Variants in NCKAP5 observed in about 807,000 individuals in gnomAD.
NCKAP5 encodes nck-associated protein 5.
Under a neutral mutation model 167.0 loss-of-function variants are expected in NCKAP5, and 92 were observed. That is an observed-to-expected ratio of 0.55 (90% CI 0.47 to 0.66). The LOEUF is 0.66. NCKAP5 is among the 30% of genes least tolerant of loss of function. NCKAP5 has a pLI of 0.00. For missense variants in NCKAP5, 2,378 were observed against 2,315.0 expected (o/e 1.03, Z -0.56); for synonymous variants, 891 against 877.4 (o/e 1.02, Z -0.27).
chr2:133,435,556 G>A (rs908204040), intron 3 of NCKAP5, among the ~76,000 whole-genome samples: 21 of 152,238 alleles, frequency 1.4e-4, no homozygotes, highest in African/African-American at 3.6e-4. Flanking sequence ...CTCCCCTACC[G>A]GACAGTGATG....
intron 3 of NCKAP5, among the ~76,000 whole-genome samples, chr2:133,328,342 G>A (rs1682598198): frequency 6.6e-6 from 1 of 152,234 alleles, no homozygotes; most frequent in Admixed American, 6.5e-5. Flanking sequence ...AGAATATAGA[G>A]AGAGTTGACA....
intron 11 of NCKAP5, among the ~76,000 whole-genome samples, chr2:132,797,742 G>C (rs1684718725): frequency 6.6e-6 from 1 of 152,154 alleles, no homozygotes; most frequent in South Asian, 2.1e-4. Context: ...ATCTTAGAGG[G>C]CAGGGCTATC....
intron 16 of NCKAP5, among the ~76,000 whole-genome samples, chr2:132,750,414 T>C (rs888541597): frequency 6.6e-6 from 1 of 152,214 alleles, no homozygotes; most frequent in African/African-American, 2.4e-5. Flanking sequence ...TCAAATAATA[T>C]TGAATGTGCT....
intron 6 of NCKAP5, among the ~76,000 whole-genome samples, chr2:133,029,638 A>G (rs1210973457): frequency 6.6e-6 from 1 of 152,210 alleles, no homozygotes; most frequent in African/African-American, 2.4e-5. Flanking sequence ...AATCTATTAC[A>G]TGGATTTTTA....
intron 8 of NCKAP5, among the ~76,000 whole-genome samples, chr2:132,956,031 T>C (rs1307197766): frequency 5.9e-5 from 9 of 152,060 alleles, no homozygotes; most frequent in South Asian, 2.1e-4. Context: ...GGTCAAAGGG[T>C]ACAAAATCTG....
intron 6 of NCKAP5, among the ~76,000 whole-genome samples, chr2:133,083,678 T>A (rs1256964759): frequency 6.6e-5 from 10 of 152,180 alleles, no homozygotes; most frequent in Non-Finnish European, 1.5e-4. Context: ...GAGTACAATA[T>A]ACAAACAGTG....
intron 3 of NCKAP5, among the ~76,000 whole-genome samples, chr2:133,451,750 G>T (rs1303816960): frequency 2.6e-5 from 4 of 152,152 alleles, no homozygotes; most frequent in African/African-American, 9.7e-5. Flanking sequence ...AGAAAGCCTG[G>T]CATGAAAGTG....
chr2:133,209,452 A>C (rs752893709), intron 5 of NCKAP5, among the ~76,000 whole-genome samples: 3 of 148,826 alleles, frequency 2.0e-5, no homozygotes, highest in Admixed American at 1.3e-4. Context: ...AAATTGACTA[A>C]ACAAACAAAC....
At chr2:133,081,224 C>A (rs2080795115) in intron 6 of NCKAP5, among the ~76,000 whole-genome samples, 2 of 152,266 alleles carry the variant, frequency 1.3e-5, no homozygotes, top group Middle Eastern at 3.4e-3. Context: ...TTTACGCTCT[C>A]TTCCTACAGT....
At chr2:133,050,279 A>G (rs571923066) in intron 6 of NCKAP5, among the ~76,000 whole-genome samples, 2 of 152,228 alleles carry the variant, frequency 1.3e-5, no homozygotes, top group East Asian at 3.9e-4. Flanking sequence ...GACTGTGTAT[A>G]GAAGATTCAG....
At chr2:133,449,388 ATAG>A (rs200868330) in intron 3 of NCKAP5, among the ~76,000 whole-genome samples, 2,062 of 152,354 alleles carry the variant, frequency 0.014, 41 homozygotes, top group African/African-American at 0.046. Flanking sequence ...AATATATTTT[ATAG>A]TCAGAATATT....
chr2:133,090,403 G>A (rs1020050459), intron 6 of NCKAP5, among the ~76,000 whole-genome samples: 2 of 151,852 alleles, frequency 1.3e-5, no homozygotes, highest in Non-Finnish European at 2.9e-5. Context: ...TTCTGCCTCC[G>A]TGGTCACACT....
chr2:133,450,448 C>T (rs181430706), intron 3 of NCKAP5, among the ~76,000 whole-genome samples: 7 of 152,226 alleles, frequency 4.6e-5, no homozygotes, highest in Admixed American at 1.3e-4. Context: ...GGTAACATTA[C>T]GTTTTTAAAA....
intron 3 of NCKAP5, among the ~76,000 whole-genome samples, chr2:133,501,708 T>C (rs1345504314): frequency 6.6e-6 from 1 of 152,250 alleles, no homozygotes; most frequent in Non-Finnish European, 1.5e-5. Flanking sequence ...TGATTCGTTC[T>C]TCTGTTCGGA....
chr2:133,641,985 A>C, the NCKAP5 span, among the ~76,000 whole-genome samples: 1 of 152,162 alleles, frequency 6.6e-6, no homozygotes, highest in East Asian at 1.9e-4. Context: ...AAAGAGGTTT[A>C]TTTGGCTCAT....
intron 6 of NCKAP5, among the ~76,000 whole-genome samples, chr2:133,106,770 A>G (rs1559144643): frequency 6.6e-6 from 1 of 152,202 alleles, no homozygotes; most frequent in Non-Finnish European, 1.5e-5. Flanking sequence ...GAAGTTTGAA[A>G]AATTTTATTG....
At chr2:132,793,906 T>C (rs1013079627) in intron 12 of NCKAP5, among the ~76,000 whole-genome samples, 1 of 152,024 alleles carries the variant, frequency 6.6e-6, no homozygotes, top group East Asian at 1.9e-4. Flanking sequence ...CAAAGTGAGC[T>C]TTTTTTCCCC....
At chr2:133,136,976 C>T (rs2082809655) in intron 5 of NCKAP5, among the ~76,000 whole-genome samples, 1 of 152,168 alleles carries the variant, frequency 6.6e-6, no homozygotes, top group Admixed American at 6.5e-5. Flanking sequence ...CTTCAGAAGT[C>T]CATAAGCCAA....
intron 13 of NCKAP5, among the ~76,000 whole-genome samples, chr2:132,789,308 C>A (rs1683856216): frequency 6.6e-6 from 1 of 152,146 alleles, no homozygotes; most frequent in Non-Finnish European, 1.5e-5. Context: ...TTCAGAGCAC[C>A]TAACAACTCC....
Sources: allele counts gnomAD v4.1 joint callset (sites outside exome capture counted in the v4.1 genomes callset), GRCh38; gene constraint gnomAD v4.1.1; transcripts MANE v1.5; gene names NCBI Gene and HGNC (gene_info 2026-07-23, HGNC 2026-07-21).